The following ZDHHC3 variants were observed in gnomAD, a reference collection of about 807,000 sequenced individuals.
ZDHHC3 encodes the protein palmitoyltransferase ZDHHC3.
Under a neutral mutation model 30.6 loss-of-function variants are expected in ZDHHC3, and 9 were observed. The ratio of observed to expected loss-of-function variants is 0.29; its 90% CI spans 0.18 to 0.51. ZDHHC3 has a LOEUF of 0.51. ZDHHC3 is among the 20% of genes least tolerant of loss of function. The pLI is 0.97. For missense variants in ZDHHC3, 246 were observed against 384.2 expected (o/e 0.64, Z 3.01); for synonymous variants, 136 against 140.2 (o/e 0.97, Z 0.21).
chr3:44,931,947 G>C (rs940560096), intron 5 of ZDHHC3, among the ~76,000 whole-genome samples: 1 of 152,202 alleles, frequency 6.6e-6, no homozygotes, highest in African/African-American at 2.4e-5. Context: ...CTGGCTCCCA[G>C]TAGGCATTAA....
chr3:44,922,822 G>T lies in ZDHHC3; in HGVS notation c.*3867C>A, dbSNP rs1177496594. The T allele has an allele frequency of 2.0e-6, 2 of 985,192 alleles. No homozygotes were observed. The highest frequency in any genetic ancestry group is 2.3e-4 in the East Asian group (2 of 8,812). The allele number at this position is 985,192 out of a possible 1,614,324, so 61.0% of individuals were successfully genotyped here. On this transcript the variant is annotated 3_prime_UTR_variant, in exon 7 of 7. Transcript: ENST00000424952. ...GGTGATGCTGATGTTGACGTTGCTG[G>T]TCTGGCAACCTCAAGAACACCTTTG...
At chr3:44,951,503 G>A (rs1049402328) in intron 2 of ZDHHC3, among the ~76,000 whole-genome samples, 6 of 152,124 alleles carry the variant, frequency 3.9e-5, no homozygotes, top group African/African-American at 1.2e-4. Context: ...AAGGCTGCTA[G>A]GGTTAAATCC....
At chr3:44,962,884 T>C (rs779762338) in intron 1 of ZDHHC3, among the ~76,000 whole-genome samples, 198 of 152,274 alleles carry the variant, frequency 1.3e-3, no homozygotes, top group Middle Eastern at 3.4e-3. Context: ...ATAAACTAAG[T>C]CTTGTTAGAT....
At chr3:44,946,265 C>A (rs1702924008) in intron 2 of ZDHHC3, among the ~76,000 whole-genome samples, 1 of 152,244 alleles carries the variant, frequency 6.6e-6, no homozygotes, top group Non-Finnish European at 1.5e-5. Context: ...GCTCTTCCAC[C>A]TGTGGAGTAT....
In ZDHHC3 at chr3:44,922,836, A is replaced by G. The variant is rs1230728998; in HGVS notation, c.*3853T>C. On this transcript the variant is annotated 3_prime_UTR_variant, in exon 7 of 7. Coordinates refer to ENST00000424952, the MANE Select transcript of ZDHHC3 (RefSeq NM_001135179.2). ...TGACGTTGCTGGTCTGGCAACCTCA[A>G]GAACACCTTTGAGGAGGATTCTAGC... 1.0e-6 allele frequency: 1 copy of G among 985,198 alleles called. No individual in the cohort carries two copies. The highest frequency in any genetic ancestry group is 1.2e-6 in the Non-Finnish European group (1 of 829,912). 61.0% of individuals were successfully genotyped at this position (985,198 alleles called of 1,614,324 possible).
intron 2 of ZDHHC3, among the ~76,000 whole-genome samples, chr3:44,951,913 C>G (rs1000068135): frequency 2.6e-5 from 4 of 152,062 alleles, no homozygotes; most frequent in African/African-American, 7.2e-5. Context: ...TCCCGCCCAT[C>G]CAGGCTACTG....
rs72863177 is a variant in ZDHHC3 at position 44,924,103 on chromosome 3, C to T, written c.*2586G>A. 0.068 allele frequency: 67,346 copies of T among 985,330 alleles called. 2,620 individuals are homozygous for T. Among genetic ancestry groups the T allele is most frequent in the African/African-American group, 0.14 (8,296 of 57,310 alleles). 61.0% of individuals were successfully genotyped at this position (985,330 alleles called of 1,614,324 possible). On this transcript the variant is annotated 3_prime_UTR_variant, in exon 7 of 7. Coordinates refer to ENST00000424952, the MANE Select transcript of ZDHHC3 (RefSeq NM_001135179.2). ...CCCAGGCTCTGAAAGACTGTGGCTA[C>T]GACTGGTTCAATTTCCCATGAGTGC...
intron 6 of ZDHHC3, among the ~76,000 whole-genome samples, chr3:44,927,478 C>T (rs1701094673): frequency 2.0e-5 from 3 of 152,140 alleles, no homozygotes; most frequent in African/African-American, 7.2e-5. Context: ...AGTGACAGAC[C>T]ACGAATGAGG....
At chr3:44,942,811 C>CA (rs1702557084) in intron 3 of ZDHHC3, among the ~76,000 whole-genome samples, 1 of 152,008 alleles carries the variant, frequency 6.6e-6, no homozygotes, top group Admixed American at 6.5e-5. Context: ...GAAGGTCCAC[C>CA]GTGTAGCAAG....
Position 44,926,218 on chromosome 3 carries a change from C to T in ZDHHC3, c.*471G>A. 2 of 986,178 alleles carry T rather than the reference C, an allele frequency of 2.0e-6. No individual in the cohort carries two copies. The highest frequency in any genetic ancestry group is 9.4e-5 in the South Asian group (2 of 21,306). The allele number at this position is 986,178 out of a possible 1,614,324, so 61.1% of individuals were successfully genotyped here. A position where few individuals can be genotyped will look rare whatever the true frequency, so the allele number is the denominator to read the frequency against. On this transcript the variant is annotated 3_prime_UTR_variant, in exon 7 of 7. Transcript: ENST00000424952. ...CAGGCCTCAAGGGGTAAGCATCCAT[C>T]TTCGGTGAGGTTTTATGTCCCATCG... is the stretch of plus-strand genomic sequence containing the variant.
intron 2 of ZDHHC3, among the ~76,000 whole-genome samples, chr3:44,945,534 CTTTGTTTT>C (rs906269901): frequency 6.6e-6 from 1 of 151,968 alleles, no homozygotes; most frequent in African/African-American, 2.4e-5. Flanking sequence ...CTTTTCTTTT[CTTTGTTTT>C]TTTGTTTTGT....
chr3:44,926,913 T>A, intron 6 of ZDHHC3, 66 bp from the exon 7 acceptor site: 1 of 1,517,838 alleles, frequency 6.6e-7, no homozygotes, highest in South Asian at 1.3e-5. Context: ...GGGAGGGATG[T>A]CCGCAGCGAC....
At position 44,920,660 on chromosome 3, in the gene ZDHHC3, A is replaced by C; in HGVS notation, c.*6029T>G. On this transcript the variant is annotated 3_prime_UTR_variant, in exon 7 of 7. Coordinates refer to ENST00000424952, the MANE Select transcript of ZDHHC3 (RefSeq NM_001135179.2). ...CAGGTTTCCAGTTCTACTGCAAATC[A>C]CCACTGTGCCCAGGCTGAGCTCAGT... 11 of 985,346 alleles carry C rather than the reference A, an allele frequency of 1.1e-5. No individual in the cohort carries two copies. Among genetic ancestry groups the C allele is most frequent in the Non-Finnish European group, 1.2e-5 (10 of 829,902 alleles). The allele number at this position is 985,346 out of a possible 1,614,324, so 61.0% of individuals were successfully genotyped here. A position where few individuals can be genotyped will look rare whatever the true frequency, so the allele number is the denominator to read the frequency against.
chr3:44,939,511 G>A (rs966413435), intron 3 of ZDHHC3, among the ~76,000 whole-genome samples: 1 of 152,126 alleles, frequency 6.6e-6, no homozygotes, highest in East Asian at 1.9e-4. Flanking sequence ...CTTCCCATCT[G>A]GGGAACAAAC....
At chr3:44,971,426 C>T (rs944210584) in intron 1 of ZDHHC3, among the ~76,000 whole-genome samples, 20 of 152,314 alleles carry the variant, frequency 1.3e-4, no homozygotes, top group African/African-American at 4.3e-4. Context: ...AATGAACTGG[C>T]CATTTGTCTC....
rs139844831 is a variant in ZDHHC3 at position 44,959,906 on chromosome 3, C to T, written c.-24-446G>A. ...CCTCCCAAGTACCTAGAACTACAGG[C>T]ACGCACCACCACACCTGGCTAATTT... On this transcript the variant is annotated intron_variant, in intron 1 of 6. Transcript: ENST00000424952. This position sits in a 1 kb window ranked among gnomAD's most constrained non-coding sequence, Gnocchi z 4.3. Among the ~76,000 whole-genome samples, 1 of 152,230 alleles carries T rather than the reference C, an allele frequency of 6.6e-6. No homozygotes were observed. Among genetic ancestry groups the T allele is most frequent in the East Asian group, 1.9e-4 (1 of 5,188 alleles).
rs185912411 is a variant in ZDHHC3, at chr3:44,915,605, C to G, written c.*11084G>C. On this transcript the variant is annotated 3_prime_UTR_variant, in exon 7 of 7. Coordinates refer to ENST00000424952, the MANE Select transcript of ZDHHC3 (RefSeq NM_001135179.2). ...TGTGCAAGTAAAATGCCCCCTCACC[C>G]CAGCCTTCCTTTCCAGAGCAACCAA... The G allele has an allele frequency of 6.6e-6, 1 of 152,424 alleles. No individual in the cohort carries two copies. Among genetic ancestry groups the G allele is most frequent in the East Asian group, 1.9e-4 (1 of 5,186 alleles). 9.4% of individuals were successfully genotyped at this position (152,424 alleles called of 1,614,324 possible).
chr3:44,925,797 G>C lies in ZDHHC3; in HGVS notation c.*892C>G, dbSNP rs1382571685. On this transcript the variant is annotated 3_prime_UTR_variant, in exon 7 of 7. Transcript: ENST00000424952. ...GTGGGGCTGTATGTGTTGGGCACTG[G>C]TGCCTATTGCAGTCAGAATTCACAC... 1.0e-6 allele frequency: 1 copy of C among 985,786 alleles called. No individual in the cohort carries two copies. Among genetic ancestry groups the C allele is most frequent in the Non-Finnish European group, 1.2e-6 (1 of 829,962 alleles). 61.1% of individuals were successfully genotyped at this position (985,786 alleles called of 1,614,324 possible).
At chr3:44,938,745 A>G (rs1190468697) in intron 3 of ZDHHC3, among the ~76,000 whole-genome samples, 6 of 152,162 alleles carry the variant, frequency 3.9e-5, no homozygotes, top group African/African-American at 1.4e-4. Flanking sequence ...AAGGACAGGG[A>G]AAGCATAGGA....
Sources: gnomAD v4.1 joint callset for allele counts (sites outside exome capture counted in the v4.1 genomes callset) on GRCh38, gnomAD v4.1.1 for gene constraint, Gnocchi (gnomAD v3.1) non-coding constraint, MANE v1.5 for transcripts, NCBI Gene and HGNC (gene_info 2026-07-23, HGNC 2026-07-21) for gene names.